TBC1D5: variants seen among roughly 807,000 people sequenced by gnomAD.
TBC1D5 encodes the protein TBC1 domain family member 5.
In TBC1D5, 75 loss-of-function variants were observed where a neutral mutation model predicts 100.3. The observed-to-expected ratio is 0.75, with a 90% CI of 0.62 to 0.91. The LOEUF is 0.91. Among genes scored for constraint, TBC1D5 ranks in the 40% least tolerant of loss-of-function variants. The probability of loss-of-function intolerance (pLI) is 0.00; values close to 1 mark genes in which losing one functional copy is unlikely to be tolerated. For synonymous variants in TBC1D5, 323 were observed against 325.6 expected, an observed-to-expected ratio of 0.99 and a Z score of 0.09; for missense variants, 910 against 942.4, an observed-to-expected ratio of 0.97 and a Z score of 0.45.
rs1357094919 is a variant in TBC1D5, at chr3:17,516,221, A to G, written c.-35-7616T>C. On this transcript the variant is annotated intron_variant, in intron 2 of 21. Coordinates refer to ENST00000253692, the Ensembl canonical transcript of TBC1D5. ...AGAAGTAATTTCTCCCTGCTCTTCC[A>G]TAGCAGTATTTCCCTTGCTCTGATG... 2.0e-5 allele frequency among the ~76,000 whole-genome samples: 3 copies of G among 152,182 alleles called. No individual in the cohort carries two copies. In the East Asian group the frequency reaches 5.8e-4, roughly 29 times the overall value.
intron 1 of TBC1D5, among the ~76,000 whole-genome samples, chr3:17,692,951 A>G (rs2071387941): frequency 6.6e-6 from 1 of 152,242 alleles, no homozygotes; most frequent in Non-Finnish European, 1.5e-5. Context: ...GCAACATGGC[A>G]AGAACCTGCC....
chr3:17,659,199 A>C (rs2066410977), intron 1 of TBC1D5, among the ~76,000 whole-genome samples: 1 of 152,214 alleles, frequency 6.6e-6, no homozygotes, highest in African/African-American at 2.4e-5. Flanking sequence ...AATACTATGA[A>C]GCTTTAAAAA....
chr3:17,608,845 C>G (rs2061501057), intron 2 of TBC1D5, among the ~76,000 whole-genome samples: 1 of 152,078 alleles, frequency 6.6e-6, no homozygotes. Flanking sequence ...CAGCATAAAC[C>G]AGTCACAAAT....
chr3:17,194,046 A>G (rs1031546349), intron 18 of TBC1D5, among the ~76,000 whole-genome samples: 7 of 152,172 alleles, frequency 4.6e-5, no homozygotes, highest in Non-Finnish European at 7.4e-5. Context: ...TAAAATGCAG[A>G]GTCTGATTTA....
chr3:17,694,963 T>C lies in TBC1D5; in HGVS notation c.-101+44380A>G, dbSNP rs537198256. 4.3e-4 allele frequency among the ~76,000 whole-genome samples: 66 copies of C among 152,286 alleles called. 1 individual carries two copies. The highest frequency in any genetic ancestry group is 3.7e-4 in the Non-Finnish European group (25 of 68,026). ...ATATTCAACATTCTTAAAGAAAGAA[T>C]TTTCAACCCAGAATTTCATATCCAG... On this transcript the variant is annotated intron_variant, in intron 1 of 21. Transcript: ENST00000253692.
intron 3 of TBC1D5, among the ~76,000 whole-genome samples, chr3:17,504,625 A>T (rs1186674359): frequency 1.3e-5 from 2 of 152,144 alleles, no homozygotes. Flanking sequence ...AACAATCTGG[A>T]TTTTATTGTT....
Position 17,732,509 on chromosome 3 carries a change from G to A in TBC1D5, c.-101+6834C>T, listed in dbSNP as rs996798922. Among the ~76,000 whole-genome samples the A allele has an allele frequency of 8.6e-5, 13 of 151,918 alleles. No individual in the cohort carries two copies. In the East Asian group the frequency reaches 1.2e-3, roughly 14 times the overall value. On this transcript the variant is annotated intron_variant, in intron 1 of 21. Coordinates refer to ENST00000253692, the Ensembl canonical transcript of TBC1D5. ...CAAGGCGGATGGATCACCTGAGGTC[G>A]GGAGTTCAAGAACAGCCTGACCAAT...
chr3:17,492,332 TG>T (rs1223352514), intron 3 of TBC1D5, among the ~76,000 whole-genome samples: 1 of 152,174 alleles, frequency 6.6e-6, no homozygotes, highest in Non-Finnish European at 1.5e-5. Context: ...CTGGTAGCTT[TG>T]GGGTTTGTCT....
chr3:17,729,610 C>T (rs1019166799), intron 1 of TBC1D5, among the ~76,000 whole-genome samples: 11 of 151,400 alleles, frequency 7.3e-5, no homozygotes, highest in African/African-American at 2.4e-4. Context: ...AGGAGGCTGA[C>T]GCAGGAGAAT....
At chr3:17,693,226 A>C (rs1328377115) in intron 1 of TBC1D5, among the ~76,000 whole-genome samples, 1 of 152,166 alleles carries the variant, frequency 6.6e-6, no homozygotes, top group East Asian at 1.9e-4. Flanking sequence ...TCTCATTGGG[A>C]CTGGTTGGAC....
At chr3:17,605,435 A>G (rs2061277509) in intron 2 of TBC1D5, among the ~76,000 whole-genome samples, 1 of 152,208 alleles carries the variant, frequency 6.6e-6, no homozygotes, top group South Asian at 2.1e-4. Context: ...AAAAATGTCT[A>G]GTTCAACCTG....
chr3:17,529,349 TG>T (rs2096185164), intron 2 of TBC1D5, among the ~76,000 whole-genome samples: 1 of 152,182 alleles, frequency 6.6e-6, no homozygotes, highest in South Asian at 2.1e-4. Context: ...CCGATTTGCC[TG>T]GGGAATAAAA....
intron 1 of TBC1D5, among the ~76,000 whole-genome samples, chr3:17,720,951 T>C (rs1293372823): frequency 6.6e-6 from 1 of 152,086 alleles, no homozygotes; most frequent in Non-Finnish European, 1.5e-5. Context: ...GCGATTCTCC[T>C]GCCTCAGCCT....
intron 15 of TBC1D5, among the ~76,000 whole-genome samples, chr3:17,278,444 T>C (rs1055629466): frequency 1.3e-5 from 2 of 152,234 alleles, no homozygotes; most frequent in African/African-American, 2.4e-5. Context: ...TAACCTATTT[T>C]GTATATTAGA....
At chr3:17,382,562 AC>A in intron 9 of TBC1D5, among the ~76,000 whole-genome samples, 1 of 125,392 alleles carries the variant, frequency 8.0e-6, no homozygotes, top group Middle Eastern at 4.4e-3. Flanking sequence ...TCCTTGAATA[AC>A]TTTTTTTTTT....
intron 1 of TBC1D5, among the ~76,000 whole-genome samples, chr3:17,669,777 G>A (rs1363613609): frequency 6.6e-6 from 1 of 152,180 alleles, no homozygotes; most frequent in African/African-American, 2.4e-5. Flanking sequence ...TGTTTGATGA[G>A]GAGAAGCAAG....
intron 4 of TBC1D5, among the ~76,000 whole-genome samples, chr3:17,411,054 C>G (rs552706969): frequency 1.8e-4 from 27 of 152,076 alleles, no homozygotes; most frequent in Non-Finnish European, 3.8e-4. Flanking sequence ...ATGTGGCATA[C>G]TTCACTGTTG....
chr3:17,407,328 C>G (rs1481872427), intron 4 of TBC1D5, among the ~76,000 whole-genome samples: 1 of 152,126 alleles, frequency 6.6e-6, no homozygotes, highest in Non-Finnish European at 1.5e-5. Flanking sequence ...GACCTATATT[C>G]CCTGCATCTT....
intron 1 of TBC1D5, among the ~76,000 whole-genome samples, chr3:17,683,780 A>G (rs974243647): frequency 2.6e-5 from 4 of 152,214 alleles, no homozygotes; most frequent in Non-Finnish European, 5.9e-5. Flanking sequence ...AACAGTAGTT[A>G]TATCACTGTG....
Sources: allele counts gnomAD v4.1 joint callset (sites outside exome capture counted in the v4.1 genomes callset), GRCh38; gene constraint gnomAD v4.1.1; transcripts MANE v1.5; gene names NCBI Gene and HGNC (gene_info 2026-07-23, HGNC 2026-07-21).